GALNT13: variants seen among roughly 807,000 people sequenced by gnomAD.
GALNT13 encodes UDP-GalNAc:polypeptide N-acetylgalactosaminyltransferase 13.
GALNT13 carries 28 observed loss-of-function variants against 64.2 expected under a neutral mutation model. The observed-to-expected ratio is 0.44, with a 90% CI of 0.32 to 0.60. The LOEUF (loss-of-function observed/expected upper bound fraction) is 0.60, where lower values mean the gene tolerates loss of function less well. GALNT13 is among the 20% of genes least tolerant of loss of function. GALNT13 has a pLI of 0.05. For synonymous variants in GALNT13, 214 were observed against 224.6 expected (o/e 0.95, Z 0.42); for missense variants, 577 against 669.8 (o/e 0.86, Z 1.53).
the GALNT13 span, among the ~76,000 whole-genome samples, chr2:153,825,614 G>T: frequency 8.9e-3 from 1,227 of 138,228 alleles, 6 homozygotes; most frequent in Admixed American, 0.017. Context: ...AGTGCTGTGT[G>T]TGTGTGTGTG....
the GALNT13 span, among the ~76,000 whole-genome samples, chr2:153,542,357 CACAA>C: frequency 1.6e-5 from 1 of 62,202 alleles, no homozygotes; most frequent in African/African-American, 1.2e-4. Flanking sequence ...CACACACACA[CACAA>C]AAAAAAAACC....
the GALNT13 span, among the ~76,000 whole-genome samples, chr2:153,397,710 C>T: frequency 6.6e-6 from 1 of 151,756 alleles, no homozygotes; most frequent in Admixed American, 6.6e-5. Context: ...AAGCAGACAA[C>T]ATCTGCTGCT....
At chr2:154,171,485 T>A (rs1443679501) in intron 4 of GALNT13, among the ~76,000 whole-genome samples, 1 of 152,132 alleles carries the variant, frequency 6.6e-6, no homozygotes, top group Non-Finnish European at 1.5e-5. Flanking sequence ...AAATCAGGTA[T>A]TAGTCCCATT....
chr2:154,062,342 G>A (rs1043224388), intron 3 of GALNT13, among the ~76,000 whole-genome samples: 1 of 152,032 alleles, frequency 6.6e-6, no homozygotes, highest in Non-Finnish European at 1.5e-5. Flanking sequence ...TTTCTGATAT[G>A]AGTTATTCTT....
the GALNT13 span, among the ~76,000 whole-genome samples, chr2:153,566,352 T>TGTTTTG: frequency 5.4e-3 from 425 of 79,000 alleles, 28 homozygotes; most frequent in South Asian, 0.011. Context: ...AATCACGTTT[T>TGTTTTG]TTTTTTTTTT....
At chr2:153,681,806 A>G in the GALNT13 span, among the ~76,000 whole-genome samples, 1 of 151,802 alleles carries the variant, frequency 6.6e-6, no homozygotes, top group Non-Finnish European at 1.5e-5. Flanking sequence ...CATAAGCACC[A>G]AAGGCATAGC....
intron 3 of GALNT13, among the ~76,000 whole-genome samples, chr2:154,027,418 C>A (rs1177611560): frequency 1.3e-5 from 2 of 151,836 alleles, no homozygotes; most frequent in African/African-American, 2.4e-5. Context: ...AAAAATGATC[C>A]CTGACTAGAG....
At chr2:153,414,274 C>T in the GALNT13 span, among the ~76,000 whole-genome samples, 2 of 151,864 alleles carry the variant, frequency 1.3e-5, no homozygotes, top group African/African-American at 4.8e-5. Context: ...ATTCAGGAGG[C>T]TGAGGCAGGA....
chr2:154,411,963 T>A (rs1416304997), intron 11 of GALNT13, among the ~76,000 whole-genome samples: 1 of 151,760 alleles, frequency 6.6e-6, no homozygotes, highest in South Asian at 2.1e-4. Flanking sequence ...ATTAAAAAAA[T>A]TAACACTAAA....
the GALNT13 span, among the ~76,000 whole-genome samples, chr2:153,856,668 G>A: frequency 6.6e-6 from 1 of 152,088 alleles, no homozygotes; most frequent in African/African-American, 2.4e-5. Flanking sequence ...CATACACTCT[G>A]AACAATAGGG....
intron 4 of GALNT13, among the ~76,000 whole-genome samples, chr2:154,215,922 T>C (rs2105811003): frequency 6.6e-6 from 1 of 152,184 alleles, no homozygotes; most frequent in South Asian, 2.1e-4. Context: ...TCTCAAGTTT[T>C]AGGGAAAACG....
the GALNT13 span, among the ~76,000 whole-genome samples, chr2:153,807,019 G>A: frequency 1.3e-5 from 2 of 152,040 alleles, no homozygotes; most frequent in African/African-American, 4.8e-5. Flanking sequence ...GGAAGGAATA[G>A]GGTTTCGGAG....
intron 3 of GALNT13, among the ~76,000 whole-genome samples, chr2:154,019,731 A>T (rs1697305088): frequency 6.6e-6 from 1 of 151,448 alleles, no homozygotes; most frequent in Non-Finnish European, 1.5e-5. Flanking sequence ...TTTAAGTTTT[A>T]GAGTACATGT....
At chr2:154,032,990 A>G (rs534018141) in intron 3 of GALNT13, among the ~76,000 whole-genome samples, 1 of 151,416 alleles carries the variant, frequency 6.6e-6, no homozygotes, top group South Asian at 2.1e-4. Context: ...TACTGTATGT[A>G]AATAGATATT....
chr2:154,292,276 G>A (rs1226717142), intron 8 of GALNT13, among the ~76,000 whole-genome samples: 1 of 151,568 alleles, frequency 6.6e-6, no homozygotes, highest in African/African-American at 2.4e-5. Context: ...CCATGTTGCT[G>A]ACATACCCTC....
chr2:154,106,278 T>C (rs191600818), intron 3 of GALNT13, among the ~76,000 whole-genome samples: 2 of 152,316 alleles, frequency 1.3e-5, no homozygotes, highest in African/African-American at 4.8e-5. Context: ...ATGATGATTT[T>C]ACCTTACTTT....
intron 9 of GALNT13, among the ~76,000 whole-genome samples, chr2:154,362,559 T>C (rs1176270705): frequency 4.6e-5 from 7 of 151,996 alleles, no homozygotes; most frequent in African/African-American, 1.7e-4. Context: ...AAAGTCATCT[T>C]AAACTAGCCA....
chr2:153,601,869 G>C, the GALNT13 span, among the ~76,000 whole-genome samples: 4 of 151,908 alleles, frequency 2.6e-5, no homozygotes, highest in East Asian at 7.7e-4. Flanking sequence ...TAAACATCTA[G>C]GCAAGAAAGA....
chr2:153,577,664 T>G, the GALNT13 span, among the ~76,000 whole-genome samples: 1 of 152,046 alleles, frequency 6.6e-6, no homozygotes, highest in East Asian at 1.9e-4. Flanking sequence ...TTTAGTGTTT[T>G]AAAAGTCTCA....
Sources: allele counts gnomAD v4.1 joint callset (sites outside exome capture counted in the v4.1 genomes callset), GRCh38; gene constraint gnomAD v4.1.1; transcripts MANE v1.5; gene names NCBI Gene and HGNC (gene_info 2026-07-23, HGNC 2026-07-21).